ZHX2: variants seen among roughly 807,000 people sequenced by gnomAD.
ZHX2 encodes zinc fingers and homeoboxes 2, also known as zinc fingers and homeoboxes protein 2.
ZHX2 carries 6 observed loss-of-function variants against 21.9 expected under a neutral mutation model. The ratio of observed to expected loss-of-function variants is 0.27; its 90% CI spans 0.15 to 0.54. The LOEUF (loss-of-function observed/expected upper bound fraction) is 0.54, where lower values mean the gene tolerates loss of function less well. ZHX2 is among the 20% of genes least tolerant of loss of function. ZHX2 has a pLI of 0.95. For synonymous variants in ZHX2, 434 were observed against 437.1 expected, an observed-to-expected ratio of 0.99 and a Z score of 0.09; for missense variants, 908 against 1,090.7, an observed-to-expected ratio of 0.83 and a Z score of 2.36.
intron 2 of ZHX2, among the ~76,000 whole-genome samples, chr8:122,867,618 T>A (rs1364285611): frequency 6.6e-6 from 1 of 152,198 alleles, no homozygotes; most frequent in Non-Finnish European, 1.5e-5. Context: ...TTTCCAGAGT[T>A]ATATGCAGAA....
At chr8:122,803,258 C>T (rs1817755521) in intron 1 of ZHX2, among the ~76,000 whole-genome samples, 3 of 152,194 alleles carry the variant, frequency 2.0e-5, no homozygotes, top group African/African-American at 4.8e-5. Flanking sequence ...GGCAGTGTCA[C>T]TATGTGGTGC....
At chr8:122,806,362 G>A (rs1438930532) in intron 1 of ZHX2, among the ~76,000 whole-genome samples, 1 of 152,196 alleles carries the variant, frequency 6.6e-6, no homozygotes, top group African/African-American at 2.4e-5. Flanking sequence ...CACTAGAAAA[G>A]CAAGAAGAAA....
chr8:122,800,296 C>T (rs182861214), intron 1 of ZHX2, among the ~76,000 whole-genome samples: 12 of 152,310 alleles, frequency 7.9e-5, no homozygotes, highest in Non-Finnish European at 1.2e-4. Flanking sequence ...CATCCCAGCC[C>T]GCATCCCATC....
intron 2 of ZHX2, among the ~76,000 whole-genome samples, chr8:122,865,160 A>T (rs1227993715): frequency 1.4e-5 from 2 of 147,090 alleles, no homozygotes; most frequent in Non-Finnish European, 3.0e-5. Context: ...ACAGAGTCTC[A>T]CTCTGTCGCC....
intron 1 of ZHX2, among the ~76,000 whole-genome samples, chr8:122,804,424 T>G (rs1432444596): frequency 1.3e-5 from 2 of 152,170 alleles, no homozygotes; most frequent in Non-Finnish European, 2.9e-5. Flanking sequence ...TATTCAGTCA[T>G]TCATTCAACA....
chr8:122,931,909 C>G (rs1821003305), intron 2 of ZHX2, among the ~76,000 whole-genome samples: 1 of 152,058 alleles, frequency 6.6e-6, no homozygotes, highest in Non-Finnish European at 1.5e-5. Context: ...TCGGGGTGGT[C>G]ATAGTGGAAA....
rs551506465 is a variant in ZHX2, at chr8:122,828,861, T to G, written c.-282-34616T>G. On this transcript the variant is annotated intron_variant, in intron 1 of 3. Coordinates refer to ENST00000314393, the MANE Select transcript of ZHX2 (RefSeq NM_014943.5). This position sits in a 1 kb window ranked among gnomAD's most constrained non-coding sequence, Gnocchi z 5.2. Reference sequence around the variant, plus strand: ...TTGTAGGTTTTTATTTTATTTTATTTTATTTTACACAGAGTACCCAGGAGA... The same window carrying G: ...TTGTAGGTTTTTATTTTATTTTATTGTATTTTACACAGAGTACCCAGGAGA... Among the ~76,000 whole-genome samples, 72 of 152,320 alleles carry G rather than the reference T, an allele frequency of 4.7e-4. No individual in the cohort carries two copies. Among genetic ancestry groups the G allele is most frequent in the African/African-American group, 1.6e-3 (66 of 41,564 alleles).
In ZHX2 at chr8:122,953,886, T is replaced by C. The variant is rs775637063; in HGVS notation, c.2376T>C (p.Asp792=). Residue 792 remains aspartate (D), a synonymous_variant, in exon 3 of 4, where the codon GAT becomes GAC. Coordinates refer to ENST00000314393, the MANE Select transcript of ZHX2 (RefSeq NM_014943.5). This position sits in a 1 kb window ranked among gnomAD's most constrained non-coding sequence, Gnocchi z 4.6. ...AGAACGAGGAGTCGAGCGTTGTGGA[T>C]TACGTGGAGGTGACGGTCGGGGAGG... ...SDENEESSVV[D]YVEVTVGEED... is the part of the protein sequence containing the mutation. 1.7e-5 allele frequency: 28 copies of C among 1,614,054 alleles called. No homozygotes were observed. Among genetic ancestry groups the C allele is most frequent in the Middle Eastern group, 1.6e-4 (1 of 6,062 alleles).
At chr8:122,830,779 G>A (rs552835054) in intron 1 of ZHX2, among the ~76,000 whole-genome samples, 81 of 152,262 alleles carry the variant, frequency 5.3e-4, no homozygotes, top group Admixed American at 1.2e-3. Flanking sequence ...TAAGGATGGA[G>A]GCCCTAAGAC....
At chr8:122,931,516 G>A (rs1820993228) in intron 2 of ZHX2, among the ~76,000 whole-genome samples, 1 of 152,204 alleles carries the variant, frequency 6.6e-6, no homozygotes, top group Non-Finnish European at 1.5e-5. Context: ...TCAGCTTAAA[G>A]ACAGATTTAG....
intron 2 of ZHX2, among the ~76,000 whole-genome samples, chr8:122,871,416 A>C (rs1002061084): frequency 1.3e-5 from 2 of 151,546 alleles, no homozygotes; most frequent in African/African-American, 4.9e-5. Context: ...TTCTCAGCAA[A>C]CTATCGCAAG....
intron 1 of ZHX2, among the ~76,000 whole-genome samples, chr8:122,795,159 G>A (rs1817594144): frequency 6.6e-6 from 1 of 152,254 alleles, no homozygotes; most frequent in East Asian, 1.9e-4. Flanking sequence ...CAGCCTATAG[G>A]AAGTTCTATG....
At chr8:122,865,041 G>A (rs1563759367) in intron 2 of ZHX2, among the ~76,000 whole-genome samples, 1 of 152,090 alleles carries the variant, frequency 6.6e-6, no homozygotes, top group Non-Finnish European at 1.5e-5. Context: ...CAGTGGTTGT[G>A]CACAGGCTGT....
intron 3 of ZHX2, among the ~76,000 whole-genome samples, chr8:122,971,069 T>C (rs894749403): frequency 6.6e-6 from 1 of 152,196 alleles, no homozygotes; most frequent in Non-Finnish European, 1.5e-5. Context: ...ATTTAATCTC[T>C]CTAAGCCTCC....
intron 3 of ZHX2, among the ~76,000 whole-genome samples, chr8:122,969,975 G>A (rs1303120140): frequency 6.6e-6 from 1 of 152,176 alleles, no homozygotes. Flanking sequence ...AACATTCCAG[G>A]TTTTCCCCAA....
chr8:122,896,813 C>T (rs1417235609), intron 2 of ZHX2, among the ~76,000 whole-genome samples: 1 of 152,218 alleles, frequency 6.6e-6, no homozygotes, highest in African/African-American at 2.4e-5. Flanking sequence ...CTGAAGCTTT[C>T]TCAACCCTTG....
At chr8:122,877,804 G>A (rs1046514682) in intron 2 of ZHX2, among the ~76,000 whole-genome samples, 1 of 152,172 alleles carries the variant, frequency 6.6e-6, no homozygotes, top group Non-Finnish European at 1.5e-5. Flanking sequence ...AAGACCTGGA[G>A]GAGGGGAACT....
intron 2 of ZHX2, among the ~76,000 whole-genome samples, chr8:122,884,089 G>A (rs1819778106): frequency 6.6e-6 from 1 of 152,194 alleles, no homozygotes; most frequent in African/African-American, 2.4e-5. Context: ...GACCTGTACA[G>A]CATGTTACTG....
At chr8:122,813,595 GA>G (rs1229230165) in intron 1 of ZHX2, among the ~76,000 whole-genome samples, 1 of 152,172 alleles carries the variant, frequency 6.6e-6, no homozygotes, top group Non-Finnish European at 1.5e-5. Context: ...TTGAAAACAG[GA>G]CTCAGTACAG....
Sources: gnomAD v4.1 joint callset for allele counts (sites outside exome capture counted in the v4.1 genomes callset) on GRCh38, gnomAD v4.1.1 for gene constraint, Gnocchi (gnomAD v3.1) non-coding constraint, MANE v1.5 for transcripts, NCBI Gene and HGNC (gene_info 2026-07-23, HGNC 2026-07-21) for gene names.